The following BRD10 variants were observed in gnomAD, a reference collection of about 807,000 sequenced individuals.
BRD10 encodes uncharacterized bromodomain-containing protein 10.
At chr9:5,914,409 G>GTTTTTTTTTTTTTTTTTTT in the BRD10 span, among the ~76,000 whole-genome samples, 2 of 106,922 alleles carry the variant, frequency 1.9e-5, no homozygotes, top group African/African-American at 7.2e-5. Context: ...AAATCCAGAT[G>GTTTTTTTTTTTTTTTTTTT]GTTTTTTTTT....
the BRD10 span, among the ~76,000 whole-genome samples, chr9:6,001,783 G>C: frequency 6.6e-6 from 1 of 152,082 alleles, no homozygotes; most frequent in South Asian, 2.1e-4. Context: ...ACTCCCAATA[G>C]TTATCCCTCC....
the BRD10 span, among the ~76,000 whole-genome samples, chr9:5,907,904 G>C: frequency 1.3e-5 from 2 of 152,332 alleles, no homozygotes; most frequent in East Asian, 3.9e-4. Flanking sequence ...AGTGAGCCGA[G>C]ATAGTGCCAC....
the BRD10 span, among the ~76,000 whole-genome samples, chr9:5,965,300 C>T: frequency 6.6e-6 from 1 of 151,518 alleles, no homozygotes; most frequent in African/African-American, 2.4e-5. Context: ...CGAAAAAAAG[C>T]TGTGTTAAAA....
chr9:5,966,080 C>T, the BRD10 span, among the ~76,000 whole-genome samples: 1 of 152,166 alleles, frequency 6.6e-6, no homozygotes, highest in Non-Finnish European at 1.5e-5. Flanking sequence ...TAAGATCTGA[C>T]TTCCTAAAAT....
the BRD10 span, among the ~76,000 whole-genome samples, chr9:6,000,055 G>C: frequency 6.6e-6 from 1 of 152,064 alleles, no homozygotes; most frequent in African/African-American, 2.4e-5. Flanking sequence ...TATGCTTATT[G>C]TAGAATATCT....
At chr9:5,941,310 A>G in the BRD10 span, among the ~76,000 whole-genome samples, 3 of 152,182 alleles carry the variant, frequency 2.0e-5, no homozygotes, top group African/African-American at 7.2e-5. Context: ...GCAAAATGCA[A>G]ATTTTATCTG....
At chr9:5,954,168 G>T in the BRD10 span, 1 of 794,182 alleles carries the variant, frequency 1.3e-6, no homozygotes, top group Non-Finnish European at 2.1e-6. Context: ...AAATTACGCA[G>T]ATCCTTGAAA....
At chr9:5,888,862 G>A in the BRD10 span, among the ~76,000 whole-genome samples, 46 of 152,320 alleles carry the variant, frequency 3.0e-4, no homozygotes, top group African/African-American at 1.1e-3. Flanking sequence ...TTTTTGAAAT[G>A]TTGTCTTATC....
At chr9:5,955,140 A>G in the BRD10 span, among the ~76,000 whole-genome samples, 1 of 152,110 alleles carries the variant, frequency 6.6e-6, no homozygotes, top group African/African-American at 2.4e-5. Flanking sequence ...AAACACATTA[A>G]AAGTTTTCCC....
chr9:5,970,496 AT>A, the BRD10 span, among the ~76,000 whole-genome samples: 3 of 152,236 alleles, frequency 2.0e-5, no homozygotes, highest in South Asian at 4.1e-4. Flanking sequence ...AAAGATAGGC[AT>A]TTAAGTCTTT....
chr9:5,954,375 C>CA, the BRD10 span, among the ~76,000 whole-genome samples: 5 of 152,220 alleles, frequency 3.3e-5, no homozygotes, highest in Admixed American at 1.3e-4. Context: ...CAAGATTAGG[C>CA]AAAAAAGTCA....
At chr9:5,955,693 G>A in the BRD10 span, among the ~76,000 whole-genome samples, 1,650 of 152,186 alleles carry the variant, frequency 0.011, 31 homozygotes, top group African/African-American at 0.038. Flanking sequence ...GTATTGACGG[G>A]TATCATTTGA....
the BRD10 span, among the ~76,000 whole-genome samples, chr9:5,940,443 T>C: frequency 6.6e-6 from 1 of 152,154 alleles, no homozygotes; most frequent in African/African-American, 2.4e-5. Context: ...TCCGCCCACC[T>C]TGGCCTCCCA....
the BRD10 span, among the ~76,000 whole-genome samples, chr9:5,888,302 T>C: frequency 2.0e-5 from 3 of 152,230 alleles, no homozygotes; most frequent in Non-Finnish European, 4.4e-5. Context: ...AATTATTAGG[T>C]GAGTGCAAAA....
the BRD10 span, chr9:5,921,821 A>G: frequency 6.2e-7 from 1 of 1,613,994 alleles, no homozygotes; most frequent in Non-Finnish European, 8.5e-7. Flanking sequence ...AGAAGAGGGC[A>G]TGTGTGAAGT....
chr9:5,940,319 G>A, the BRD10 span, among the ~76,000 whole-genome samples: 16 of 151,962 alleles, frequency 1.1e-4, no homozygotes, highest in African/African-American at 3.6e-4. Context: ...TCAGCCTCCC[G>A]AGTAGCTGGG....
the BRD10 span, among the ~76,000 whole-genome samples, chr9:5,950,105 A>T: frequency 1.3e-5 from 2 of 152,194 alleles, no homozygotes; most frequent in Admixed American, 1.3e-4. Flanking sequence ...CATCAAACAT[A>T]ATGATGCAAA....
At chr9:5,903,277 G>C in the BRD10 span, among the ~76,000 whole-genome samples, 1 of 152,196 alleles carries the variant, frequency 6.6e-6, no homozygotes, top group Non-Finnish European at 1.5e-5. Flanking sequence ...CTGAGCTTGA[G>C]AAGAAAGTGT....
chr9:5,932,511 T>A, the BRD10 span, among the ~76,000 whole-genome samples: 1 of 152,224 alleles, frequency 6.6e-6, no homozygotes, highest in African/African-American at 2.4e-5. Flanking sequence ...ATAACCAGTA[T>A]TTAAATCACA....
Sources: allele counts gnomAD v4.1 joint callset (sites outside exome capture counted in the v4.1 genomes callset), GRCh38; gene constraint gnomAD v4.1.1; transcripts MANE v1.5; gene names NCBI Gene and HGNC (gene_info 2026-07-23, HGNC 2026-07-21).